Variants in EPHA7 observed in about 807,000 individuals in gnomAD.
The protein encoded by EPHA7 is ephrin type-A receptor 7.
Under a neutral mutation model 112.6 loss-of-function variants are expected in EPHA7, and 25 were observed. The observed-to-expected ratio is 0.22, with a 90% CI of 0.16 to 0.31. EPHA7 has a LOEUF of 0.31. EPHA7 is among the 10% of genes least tolerant of loss of function. EPHA7 has a pLI of 1.00. For missense variants in EPHA7, 962 were observed against 1,212.6 expected, an observed-to-expected ratio of 0.79 and a Z score of 3.07; for synonymous variants, 437 against 406.5, an observed-to-expected ratio of 1.07 and a Z score of -0.90.
At chr6:93,335,328 A>G (rs75202301) in intron 5 of EPHA7, among the ~76,000 whole-genome samples, 8,884 of 152,100 alleles carry the variant, frequency 0.058, 333 homozygotes, top group African/African-American at 0.11. Context: ...AAACATAATC[A>G]TCAACATATG....
At chr6:93,362,409 G>C (rs1020024747) in intron 3 of EPHA7, among the ~76,000 whole-genome samples, 5 of 151,922 alleles carry the variant, frequency 3.3e-5, no homozygotes, top group Non-Finnish European at 7.4e-5. Flanking sequence ...CCACAAAGTT[G>C]ATTTAAATAA....
chr6:93,334,495 A>T (rs1774759347), intron 5 of EPHA7, among the ~76,000 whole-genome samples: 2 of 152,122 alleles, frequency 1.3e-5, no homozygotes, highest in Non-Finnish European at 1.5e-5. Flanking sequence ...TTGGCATCCA[A>T]CAAAAATCTA....
At position 93,307,009 on chromosome 6, in the gene EPHA7, A is replaced by C. The variant is rs375601787; in HGVS notation, c.1325-34587T>G. ...GAATTGCTCATATCTCCATTAAATC[A>C]TAATATAATACTATTGCATAAAAGA... On this transcript the variant is annotated intron_variant, in intron 5 of 16. Coordinates refer to ENST00000369303, the MANE Select transcript of EPHA7 (RefSeq NM_004440.4). Among the ~76,000 whole-genome samples the C allele has an allele frequency of 1.3e-4, 20 of 152,092 alleles. No individual in the cohort carries two copies. The East Asian group carries it at 2.5e-3, about 19-fold the overall frequency.
intron 1 of EPHA7, 69 bp downstream of exon 1, chr6:93,419,176 G>C: frequency 3.8e-6 from 5 of 1,315,812 alleles, no homozygotes; most frequent in Middle Eastern, 2.1e-4. Flanking sequence ...CGCCGCGGAC[G>C]AGCTGGCTTG....
chr6:93,406,769 A>T (rs1778741922), intron 3 of EPHA7, among the ~76,000 whole-genome samples: 1 of 151,886 alleles, frequency 6.6e-6, no homozygotes, highest in African/African-American at 2.4e-5. Flanking sequence ...TTCTAAATCG[A>T]ATAAAATTGC....
At chr6:93,411,958 C>T (rs1778997404) in intron 2 of EPHA7, among the ~76,000 whole-genome samples, 1 of 151,792 alleles carries the variant, frequency 6.6e-6, no homozygotes. Context: ...ATATAATGTA[C>T]ATTACAAACA....
intron 3 of EPHA7, among the ~76,000 whole-genome samples, chr6:93,405,489 C>A (rs928076327): frequency 1.3e-5 from 2 of 151,582 alleles, no homozygotes; most frequent in Non-Finnish European, 3.0e-5. Flanking sequence ...TGTTCATCAC[C>A]ATGAGGTTTC....
chr6:93,364,514 G>A (rs1776409750), intron 3 of EPHA7, among the ~76,000 whole-genome samples: 2 of 125,016 alleles, frequency 1.6e-5, no homozygotes, highest in Admixed American at 1.9e-4. Flanking sequence ...GGGCTTAGGC[G>A]ACAGGAGCGA....
intron 5 of EPHA7, among the ~76,000 whole-genome samples, chr6:93,294,497 A>G (rs978521403): frequency 6.6e-6 from 1 of 152,100 alleles, no homozygotes; most frequent in Non-Finnish European, 1.5e-5. Flanking sequence ...ATGGGTAACT[A>G]CCCTGATTTT....
intron 8 of EPHA7, among the ~76,000 whole-genome samples, chr6:93,264,184 T>A (rs1051642949): frequency 6.6e-5 from 10 of 151,526 alleles, no homozygotes; most frequent in African/African-American, 2.4e-4. Flanking sequence ...CAAGGTTCAA[T>A]TTACAAAAAT....
rs1282705797 is a variant in EPHA7 at position 93,242,008 on chromosome 6, T to C, written c.*1418A>G. On this transcript the variant is annotated 3_prime_UTR_variant, in exon 17 of 17. Transcript: ENST00000369303. Reference sequence around the variant, plus strand: ...CCAATTCTCTTTGGAAGTACAACAGTTCAATTCTGGGGTAGTTCATGATTT... The same window carrying C: ...CCAATTCTCTTTGGAAGTACAACAGCTCAATTCTGGGGTAGTTCATGATTT... The C allele has an allele frequency of 4.7e-6, 1 of 210,570 alleles. No individual in the cohort carries two copies. Among genetic ancestry groups the C allele is most frequent in the East Asian group, 7.1e-5 (1 of 14,004 alleles). The allele number at this position is 210,570 out of a possible 1,614,324, so 13.0% of individuals were successfully genotyped here.
chr6:93,261,236 C>T (rs1377444412), intron 9 of EPHA7, among the ~76,000 whole-genome samples: 1 of 151,508 alleles, frequency 6.6e-6, no homozygotes, highest in African/African-American at 2.4e-5. Context: ...GCACTTGGGG[C>T]CATGAAAAGT....
rs184603312 is a variant in EPHA7 at position 93,251,339 on chromosome 6, A to T, written c.2532+3308T>A. On this transcript the variant is annotated intron_variant, in intron 14 of 16. Transcript: ENST00000369303. ...TCCAAGCCCTTAAATGACTTTTCTT[A>T]TATGGCTTTAAGGGATTATCTTTAT... Among the ~76,000 whole-genome samples the T allele has an allele frequency of 3.3e-4, 50 of 152,012 alleles. No individual in the cohort carries two copies. In the East Asian group the frequency reaches 8.7e-3, roughly 26 times the overall value.
intron 2 of EPHA7, 101 bp from the exon 3 acceptor site, chr6:93,411,271 G>T: frequency 1.1e-6 from 1 of 933,740 alleles, no homozygotes; most frequent in Non-Finnish European, 1.6e-6. Flanking sequence ...GAAAAAGTTA[G>T]GTTGATTCCT....
At chr6:93,249,368 T>C (rs1770105612) in intron 14 of EPHA7, among the ~76,000 whole-genome samples, 1 of 152,110 alleles carries the variant, frequency 6.6e-6, no homozygotes, top group Non-Finnish European at 1.5e-5. Context: ...GATTCAAAAA[T>C]GTTATGTTAA....
At chr6:93,325,035 G>A (rs533372072) in intron 5 of EPHA7, among the ~76,000 whole-genome samples, 33 of 151,356 alleles carry the variant, frequency 2.2e-4, no homozygotes, top group African/African-American at 7.5e-4. Flanking sequence ...GGGTTATGTA[G>A]TATAAAAAAT....
intron 3 of EPHA7, among the ~76,000 whole-genome samples, chr6:93,380,549 A>C (rs1287312454): frequency 6.6e-6 from 1 of 152,142 alleles, no homozygotes; most frequent in East Asian, 1.9e-4. Context: ...CAGTTTTTAC[A>C]CATTAGTTCA....
chr6:93,258,856 G>A (rs1770563534), intron 10 of EPHA7, among the ~76,000 whole-genome samples: 1 of 151,278 alleles, frequency 6.6e-6, no homozygotes, highest in South Asian at 2.1e-4. Context: ...AATCAGAAAT[G>A]TATAATTAGT....
At chr6:93,391,005 C>G (rs1162867931) in intron 3 of EPHA7, among the ~76,000 whole-genome samples, 1 of 151,966 alleles carries the variant, frequency 6.6e-6, no homozygotes, top group Non-Finnish European at 1.5e-5. Context: ...CCATGAAGCA[C>G]TGCAGAATTC....
Sources: gnomAD v4.1 joint callset for allele counts (sites outside exome capture counted in the v4.1 genomes callset) on GRCh38, gnomAD v4.1.1 for gene constraint, MANE v1.5 for transcripts, NCBI Gene and HGNC (gene_info 2026-07-23, HGNC 2026-07-21) for gene names.